Variants in THSD7B observed in about 807,000 individuals in gnomAD.
The protein encoded by THSD7B is thrombospondin type 1 domain containing 7B.
Under a neutral mutation model 213.6 loss-of-function variants are expected in THSD7B, and 138 were observed. The ratio of observed to expected loss-of-function variants is 0.65; its 90% CI spans 0.56 to 0.74. THSD7B has a LOEUF of 0.74. Among genes scored for constraint, THSD7B ranks in the 30% least tolerant of loss-of-function variants. The pLI is 0.00. For synonymous variants in THSD7B, 742 were observed against 687.0 expected (o/e 1.08, Z -1.25); for missense variants, 1,931 against 1,991.5 (o/e 0.97, Z 0.58).
intron 2 of THSD7B, among the ~76,000 whole-genome samples, chr2:136,966,797 C>T (rs1685322241): frequency 6.6e-6 from 1 of 152,150 alleles, no homozygotes; most frequent in South Asian, 2.1e-4. Flanking sequence ...AAGCACCTTC[C>T]CTGCCTAAAA....
intron 15 of THSD7B, among the ~76,000 whole-genome samples, chr2:137,536,942 T>C (rs1162099714): frequency 6.6e-6 from 1 of 151,812 alleles, no homozygotes; most frequent in Admixed American, 6.6e-5. Flanking sequence ...ACCCAGCACA[T>C]ATTTTCTGTA....
At chr2:136,830,844 C>A (rs1682742265) in intron 1 of THSD7B, among the ~76,000 whole-genome samples, 1 of 152,224 alleles carries the variant, frequency 6.6e-6, no homozygotes, top group African/African-American at 2.4e-5. Flanking sequence ...TTATTTTACT[C>A]CACCTTGATT....
chr2:137,629,399 C>T (rs1046820037), intron 20 of THSD7B, among the ~76,000 whole-genome samples: 1 of 152,046 alleles, frequency 6.6e-6, no homozygotes, highest in African/African-American at 2.4e-5. Flanking sequence ...TGAATAAGAC[C>T]CCAAATCATA....
chr2:137,519,091 A>G (rs577220143), intron 15 of THSD7B, among the ~76,000 whole-genome samples: 1 of 152,230 alleles, frequency 6.6e-6, no homozygotes, highest in Non-Finnish European at 1.5e-5. Context: ...ACTAAAAAAT[A>G]CAAGAATTAG....
intron 2 of THSD7B, among the ~76,000 whole-genome samples, 156 bp downstream of exon 2, chr2:136,882,473 A>C (rs1041216760): frequency 2.0e-5 from 3 of 151,752 alleles, no homozygotes; most frequent in African/African-American, 7.3e-5. Flanking sequence ...TTGATTTTTT[A>C]CTCCTGCATA....
intron 21 of THSD7B, among the ~76,000 whole-genome samples, chr2:137,647,998 A>G (rs904615046): frequency 1.3e-5 from 2 of 152,220 alleles, no homozygotes; most frequent in Non-Finnish European, 2.9e-5. Flanking sequence ...AGTTATCCAA[A>G]TATCTAATAG....
intron 7 of THSD7B, among the ~76,000 whole-genome samples, chr2:137,177,145 T>G (rs112021282): frequency 0.011 from 1,683 of 152,332 alleles, 37 homozygotes; most frequent in African/African-American, 0.038. Flanking sequence ...TCTTTATTCA[T>G]TATTTGCCAT....
intron 15 of THSD7B, among the ~76,000 whole-genome samples, chr2:137,497,311 T>C (rs1679592953): frequency 1.3e-5 from 2 of 152,128 alleles, no homozygotes; most frequent in Non-Finnish European, 2.9e-5. Context: ...AGATAACTTT[T>C]AATATAATTA....
intron 12 of THSD7B, among the ~76,000 whole-genome samples, chr2:137,310,493 A>G (rs895948717): frequency 6.7e-5 from 10 of 149,906 alleles, no homozygotes; most frequent in African/African-American, 2.5e-4. Flanking sequence ...TGCTGTGCAG[A>G]AGCTCTTTAG....
chr2:137,614,085 T>A (rs972038277), intron 17 of THSD7B, among the ~76,000 whole-genome samples: 2 of 152,150 alleles, frequency 1.3e-5, no homozygotes, highest in Non-Finnish European at 2.9e-5. Context: ...CCTGTTTCTA[T>A]GGGAAGAAAT....
chr2:137,483,013 G>A (rs978828899), intron 15 of THSD7B, among the ~76,000 whole-genome samples: 1 of 152,084 alleles, frequency 6.6e-6, no homozygotes, highest in South Asian at 2.1e-4. Context: ...AGTGATAGAA[G>A]TCATGACCAA....
intron 12 of THSD7B, among the ~76,000 whole-genome samples, chr2:137,340,482 A>G (rs914828514): frequency 6.6e-6 from 1 of 151,916 alleles, no homozygotes; most frequent in African/African-American, 2.4e-5. Flanking sequence ...GAAATGTACA[A>G]TATTATTAAC....
chr2:137,622,739 T>G (rs1407185401), intron 20 of THSD7B, among the ~76,000 whole-genome samples: 1 of 152,232 alleles, frequency 6.6e-6, no homozygotes, highest in East Asian at 1.9e-4. Context: ...AAGAAATGGA[T>G]AAATTCCTGG....
chr2:137,504,520 T>G (rs1679789294), intron 15 of THSD7B, among the ~76,000 whole-genome samples: 1 of 152,202 alleles, frequency 6.6e-6, no homozygotes, highest in Non-Finnish European at 1.5e-5. Flanking sequence ...AACTATGTGC[T>G]TTCAACAAGG....
chr2:137,114,071 A>G (rs1350501218), intron 4 of THSD7B, among the ~76,000 whole-genome samples: 1 of 152,132 alleles, frequency 6.6e-6, no homozygotes, highest in Non-Finnish European at 1.5e-5. Context: ...ACTTGATTTC[A>G]ATTTTACTCT....
rs1682383494 is a variant in THSD7B at position 137,616,214 on chromosome 2, C to G, written c.3463C>G (p.Leu1155Val). The G allele has an allele frequency of 3.7e-6, 6 of 1,613,802 alleles. No homozygotes were observed. Among genetic ancestry groups the G allele is most frequent in the Non-Finnish European group, 5.1e-6 (6 of 1,179,762 alleles). The change falls in exon 18 of 28, where the codon CTG becomes GTG. Residue 1155 changes from leucine (L) to valine (V), a missense_variant. Physicochemically the swap from Leu to Val is conservative, Grantham distance 32. Transcript: ENST00000409968. Reference protein sequence around the residue: ...PHTMQRRTRHLLRPSLNSRTC... With the variant: ...PHTMQRRTRHVLRPSLNSRTC... ...CACAATGCAGAGAAGAACTCGCCACCTGCTAAGACCATCACTGAACTCAAG... is the reference window on the plus strand; with the variant it reads ...CACAATGCAGAGAAGAACTCGCCACGTGCTAAGACCATCACTGAACTCAAG...
intron 1 of THSD7B, among the ~76,000 whole-genome samples, chr2:136,878,236 C>T (rs1683556629): frequency 1.3e-5 from 2 of 152,196 alleles, no homozygotes; most frequent in Admixed American, 1.3e-4. Context: ...CATGTCCCTA[C>T]AAAGGACATG....
At chr2:136,850,725 T>C (rs989833851) in intron 1 of THSD7B, among the ~76,000 whole-genome samples, 7 of 152,024 alleles carry the variant, frequency 4.6e-5, no homozygotes, top group Non-Finnish European at 1.0e-4. Flanking sequence ...AAAATAATTA[T>C]TTTATAGCTA....
chr2:137,150,106 G>A (rs951408267), intron 5 of THSD7B, among the ~76,000 whole-genome samples: 1 of 150,014 alleles, frequency 6.7e-6, no homozygotes, highest in Non-Finnish European at 1.5e-5. Context: ...GCCAGGTGTG[G>A]TGGTGCATGC....
Sources: gnomAD v4.1 joint callset for allele counts (sites outside exome capture counted in the v4.1 genomes callset) on GRCh38, gnomAD v4.1.1 for gene constraint, MANE v1.5 for transcripts, NCBI Gene and HGNC (gene_info 2026-07-23, HGNC 2026-07-21) for gene names.